Variants in NMNAT3 observed in about 807,000 individuals in gnomAD.
The protein encoded by NMNAT3 is nicotinamide/nicotinic acid mononucleotide adenylyltransferase 3.
In NMNAT3, 21 loss-of-function variants were observed where a neutral mutation model predicts 24.8. The observed-to-expected ratio is 0.85, with a 90% CI of 0.60 to 1.22. The LOEUF (loss-of-function observed/expected upper bound fraction) is 1.22, where lower values mean the gene tolerates loss of function less well. Among genes scored for constraint, NMNAT3 ranks in the 50% most tolerant of loss-of-function variants. The pLI is 0.00. For synonymous variants in NMNAT3, 136 were observed against 155.2 expected (o/e 0.88, Z 0.92); for missense variants, 387 against 436.6 (o/e 0.89, Z 1.01).
intron 1 of NMNAT3, among the ~76,000 whole-genome samples, chr3:139,646,425 C>T (rs750703538): frequency 9.9e-5 from 15 of 152,266 alleles, no homozygotes; most frequent in Non-Finnish European, 1.9e-4. Flanking sequence ...CAGATGCATT[C>T]CCCCTGTTTC....
intron 5 of NMNAT3, among the ~76,000 whole-genome samples, chr3:139,577,098 C>T (rs1939426555): frequency 6.7e-6 from 1 of 150,290 alleles, no homozygotes; most frequent in African/African-American, 2.5e-5. Context: ...TTGGAATCAC[C>T]ATGGAGCTTT....
chr3:139,617,216 G>A (rs2055547728), intron 3 of NMNAT3, among the ~76,000 whole-genome samples: 1 of 152,076 alleles, frequency 6.6e-6, no homozygotes, highest in Non-Finnish European at 1.5e-5. Flanking sequence ...GGTAATTTTT[G>A]TCTCTGTGGG....
chr3:139,592,916 G>A (rs539983717), intron 3 of NMNAT3, among the ~76,000 whole-genome samples: 11 of 152,182 alleles, frequency 7.2e-5, no homozygotes, highest in African/African-American at 2.4e-4. Flanking sequence ...ATCAACTAAC[G>A]AGCAAAATAA....
intron 4 of NMNAT3, among the ~76,000 whole-genome samples, chr3:139,579,635 C>A (rs1939870875): frequency 1.3e-5 from 2 of 152,166 alleles, no homozygotes; most frequent in Non-Finnish European, 2.9e-5. Context: ...TAGCCATGGA[C>A]TGTGCTCACT....
In NMNAT3 at chr3:139,631,283, A is replaced by G. The variant is rs932839259; in HGVS notation, c.-40-3519T>C. On this transcript the variant is annotated intron_variant, in intron 2 of 6. Transcript: ENST00000643695. Reference sequence around the variant, plus strand: ...GTGTACACTCAAATTTGCTTCAACTAAGTACCCTCCCAAGCCAAACCCAGC... The same window carrying G: ...GTGTACACTCAAATTTGCTTCAACTGAGTACCCTCCCAAGCCAAACCCAGC... 3.3e-5 allele frequency among the ~76,000 whole-genome samples: 5 copies of G among 152,182 alleles called. No individual in the cohort carries two copies. The South Asian group carries it at 6.2e-4, about 19-fold the overall frequency.
At chr3:139,677,453 G>A (rs1461609051) in intron 1 of NMNAT3, among the ~76,000 whole-genome samples, 1 of 152,212 alleles carries the variant, frequency 6.6e-6, no homozygotes, top group Non-Finnish European at 1.5e-5. Flanking sequence ...CACGTCTCCG[G>A]GACTCTGGTC....
chr3:139,563,666 A>C (rs1037975701), intron 6 of NMNAT3, among the ~76,000 whole-genome samples: 7 of 152,280 alleles, frequency 4.6e-5, no homozygotes, highest in African/African-American at 1.7e-4. Context: ...ATACCATGTG[A>C]TAGATCACTT....
chr3:139,593,995 A>G (rs1576600874), intron 3 of NMNAT3, among the ~76,000 whole-genome samples: 1 of 151,606 alleles, frequency 6.6e-6, no homozygotes, highest in Non-Finnish European at 1.5e-5. Context: ...GACACAAAAA[A>G]CCCTTCAAAA....
chr3:139,639,137 C>G (rs2056610305), intron 1 of NMNAT3, among the ~76,000 whole-genome samples: 1 of 152,208 alleles, frequency 6.6e-6, no homozygotes, highest in South Asian at 2.1e-4. Context: ...CTACCTTACT[C>G]TCTATTCATC....
chr3:139,588,467 G>C (rs1414596036), intron 3 of NMNAT3, among the ~76,000 whole-genome samples: 1 of 152,178 alleles, frequency 6.6e-6, no homozygotes, highest in East Asian at 1.9e-4. Context: ...GGAGACAATA[G>C]TTGGGAAAAT....
intron 4 of NMNAT3, among the ~76,000 whole-genome samples, chr3:139,579,497 G>A (rs1248764681): frequency 6.6e-6 from 1 of 152,194 alleles, no homozygotes; most frequent in East Asian, 1.9e-4. Context: ...GAGGATGAAG[G>A]ACAAAGGGAT....
intron 3 of NMNAT3, among the ~76,000 whole-genome samples, chr3:139,621,238 G>T (rs1250632031): frequency 6.6e-6 from 1 of 152,076 alleles, no homozygotes; most frequent in Admixed American, 6.5e-5. Flanking sequence ...GGGGTCCAGT[G>T]GTATCTCACC....
At chr3:139,641,881 G>A (rs955864504) in intron 1 of NMNAT3, among the ~76,000 whole-genome samples, 1 of 152,086 alleles carries the variant, frequency 6.6e-6, no homozygotes, top group Non-Finnish European at 1.5e-5. Flanking sequence ...TTGCTTCAGG[G>A]GATAAGAGGC....
rs895874680 is a variant in NMNAT3, at chr3:139,576,091, T to C, written c.576-2411A>G. 3 of 1,274,460 alleles carry C rather than the reference T, an allele frequency of 2.4e-6. No individual in the cohort carries two copies. In the East Asian group the frequency reaches 1.7e-4, roughly 72 times the overall value. 78.9% of individuals were successfully genotyped at this position (1,274,460 alleles called of 1,614,324 possible). ...CAGTAAGCTCTACAGTGAATTTACA[T>C]CATAGAGATGTTTGTTACTATGTCA... is the stretch of plus-strand genomic sequence containing the variant. On this transcript the variant is annotated intron_variant, in intron 5 of 6. Transcript: ENST00000643695.
chr3:139,665,725 GGAGAGAGAGA>G (rs10547665), intron 1 of NMNAT3, among the ~76,000 whole-genome samples: 25 of 139,606 alleles, frequency 1.8e-4, no homozygotes, highest in East Asian at 8.6e-4. Context: ...ATTTGTAACA[GGAGAGAGAGA>G]GAGAGAGAGA....
intron 1 of NMNAT3, among the ~76,000 whole-genome samples, chr3:139,643,640 A>G (rs2056779001): frequency 6.6e-6 from 1 of 152,228 alleles, no homozygotes; most frequent in African/African-American, 2.4e-5. Flanking sequence ...ACAAAAGAAC[A>G]ACTATTGAAT....
intron 1 of NMNAT3, among the ~76,000 whole-genome samples, chr3:139,656,598 G>A (rs2057251458): frequency 6.6e-6 from 1 of 152,114 alleles, no homozygotes; most frequent in Non-Finnish European, 1.5e-5. Flanking sequence ...GACCAGCCTG[G>A]GCAACACAGT....
chr3:139,569,281 C>T (rs1349453957), intron 6 of NMNAT3: 3 of 149,024 alleles, frequency 2.0e-5, no homozygotes, highest in African/African-American at 7.3e-5. Flanking sequence ...ACTGATGGGT[C>T]TTGACTCTTT....
intron 3 of NMNAT3, among the ~76,000 whole-genome samples, chr3:139,616,098 C>A (rs1476580690): frequency 1.3e-5 from 2 of 152,194 alleles, no homozygotes; most frequent in Non-Finnish European, 2.9e-5. Flanking sequence ...CATAGCCAAT[C>A]CAGTTGTCAA....
Sources: allele counts gnomAD v4.1 joint callset (sites outside exome capture counted in the v4.1 genomes callset), GRCh38; gene constraint gnomAD v4.1.1; transcripts MANE v1.5; gene names NCBI Gene and HGNC (gene_info 2026-07-23, HGNC 2026-07-21).